ADAMTSL1: variants seen among roughly 807,000 people sequenced by gnomAD.
ADAMTSL1 encodes the protein ADAMTS like 1.
A neutral mutation model predicts 201.8 loss-of-function variants in ADAMTSL1; 126 were observed. The observed-to-expected ratio is 0.62, with a 90% confidence interval of 0.54 to 0.72. The LOEUF (loss-of-function observed/expected upper bound fraction) is 0.72, where lower values mean the gene tolerates loss of function less well. Ranked by LOEUF, ADAMTSL1 falls within the 30% of genes least tolerant of loss-of-function variation. The probability of loss-of-function intolerance (pLI) is 0.00; values close to 1 mark genes in which losing one functional copy is unlikely to be tolerated. For missense variants in ADAMTSL1, 2,679 were observed against 2,277.8 expected (o/e 1.18, Z -3.59); for synonymous variants, 1,121 against 903.4 (o/e 1.24, Z -4.32).
intron 1 of ADAMTSL1, among the ~76,000 whole-genome samples, chr9:17,916,518 G>A (rs1280233874): frequency 2.0e-5 from 3 of 152,032 alleles, no homozygotes; most frequent in Non-Finnish European, 2.9e-5. Flanking sequence ...ATCAAAGTTC[G>A]TTTTTTGGCC....
At chr9:18,275,040 T>G (rs1403489753) in intron 2 of ADAMTSL1, among the ~76,000 whole-genome samples, 3 of 152,204 alleles carry the variant, frequency 2.0e-5, no homozygotes, top group Admixed American at 2.0e-4. Flanking sequence ...ATATCTAAAG[T>G]AAGAGAGCCA....
At chr9:18,229,964 T>A (rs1425021447) in intron 2 of ADAMTSL1, among the ~76,000 whole-genome samples, 1 of 152,178 alleles carries the variant, frequency 6.6e-6, no homozygotes, top group Non-Finnish European at 1.5e-5. Context: ...CCGTAAGTGC[T>A]AGGATTACAG....
intron 23 of ADAMTSL1, among the ~76,000 whole-genome samples, chr9:18,841,377 A>G (rs369213033): frequency 2.6e-4 from 39 of 152,216 alleles, no homozygotes; most frequent in Admixed American, 4.6e-4. Context: ...TTGCATCCCA[A>G]GGATGAAGCC....
intron 2 of ADAMTSL1, among the ~76,000 whole-genome samples, chr9:18,429,943 C>T (rs1014780518): frequency 2.6e-5 from 4 of 151,924 alleles, no homozygotes; most frequent in African/African-American, 7.3e-5. Flanking sequence ...GCACGTGCCA[C>T]GACACCCAGC....
intron 2 of ADAMTSL1, among the ~76,000 whole-genome samples, chr9:18,257,269 A>G (rs959908273): frequency 7.9e-5 from 12 of 152,242 alleles, no homozygotes; most frequent in African/African-American, 2.9e-4. Flanking sequence ...TATCAAGAGT[A>G]TCTTGCTACA....
chr9:18,325,507 A>G (rs1183685319), intron 2 of ADAMTSL1, among the ~76,000 whole-genome samples: 1 of 152,208 alleles, frequency 6.6e-6, no homozygotes, highest in East Asian at 1.9e-4. Context: ...ACACTATTGG[A>G]TATATGTAGG....
chr9:18,502,575 C>T (rs980100945), intron 1 of ADAMTSL1, among the ~76,000 whole-genome samples: 1 of 152,152 alleles, frequency 6.6e-6, no homozygotes, highest in Admixed American at 6.5e-5. Flanking sequence ...CCTCTTATTG[C>T]AGTGATTAAG....
chr9:18,427,084 T>A (rs530183352), intron 2 of ADAMTSL1, among the ~76,000 whole-genome samples: 6 of 152,308 alleles, frequency 3.9e-5, no homozygotes, highest in African/African-American at 1.4e-4. Flanking sequence ...ATGATTATCA[T>A]TCCCAAATGG....
intron 1 of ADAMTSL1, among the ~76,000 whole-genome samples, chr9:17,952,615 CAG>C (rs200790177): frequency 0.03 from 4,523 of 152,100 alleles, 210 homozygotes; most frequent in African/African-American, 0.1. Context: ...ATTTTTGAGA[CAG>C]AGTCTTGCTC....
chr9:18,728,018 T>TA (rs1257321938), intron 15 of ADAMTSL1, among the ~76,000 whole-genome samples: 1 of 151,844 alleles, frequency 6.6e-6, no homozygotes. Context: ...AGGAGGAAGT[T>TA]ACGGTGAGCC....
chr9:17,935,741 C>G (rs779253221), intron 1 of ADAMTSL1, among the ~76,000 whole-genome samples: 5 of 152,102 alleles, frequency 3.3e-5, no homozygotes, highest in Non-Finnish European at 7.4e-5. Flanking sequence ...GCAGATGGAC[C>G]ATCTTGATTC....
intron 5 of ADAMTSL1, among the ~76,000 whole-genome samples, chr9:18,631,761 A>C (rs993971103): frequency 5.9e-5 from 9 of 152,176 alleles, no homozygotes; most frequent in African/African-American, 1.7e-4. Context: ...TTTTTTAAAG[A>C]ATACTTTTAG....
chr9:18,216,657 T>TC (rs1169355842), intron 2 of ADAMTSL1, among the ~76,000 whole-genome samples: 1 of 151,934 alleles, frequency 6.6e-6, no homozygotes, highest in Non-Finnish European at 1.5e-5. Context: ...CCTTTTTTTT[T>TC]TTTTTTTTTC....
chr9:18,226,842 G>T (rs1452028442), intron 2 of ADAMTSL1, among the ~76,000 whole-genome samples: 1 of 151,972 alleles, frequency 6.6e-6, no homozygotes, highest in African/African-American at 2.4e-5. Flanking sequence ...ATTAATAATA[G>T]TAATGAATAA....
At chr9:18,484,058 C>T (rs185050602) in intron 1 of ADAMTSL1, among the ~76,000 whole-genome samples, 1 of 152,246 alleles carries the variant, frequency 6.6e-6, no homozygotes, top group East Asian at 1.9e-4. Flanking sequence ...GCATGTAGCA[C>T]GTCTCTGAGA....
intron 15 of ADAMTSL1, chr9:18,723,831 A>T (rs1817698252): frequency 1.3e-5 from 2 of 152,288 alleles, no homozygotes; most frequent in Non-Finnish European, 2.9e-5. Context: ...TTCCTGTGGA[A>T]TATCTCACTC....
chr9:18,884,017 A>G (rs1389220956), intron 23 of ADAMTSL1, among the ~76,000 whole-genome samples: 1 of 152,170 alleles, frequency 6.6e-6, no homozygotes. Flanking sequence ...CAGCTGTTCC[A>G]TTTTATATTC....
chr9:18,171,650 G>C (rs549490858), intron 2 of ADAMTSL1, among the ~76,000 whole-genome samples: 2 of 152,210 alleles, frequency 1.3e-5, no homozygotes, highest in East Asian at 3.9e-4. Context: ...TATGATGATA[G>C]TTTCTTTTGC....
intron 1 of ADAMTSL1, among the ~76,000 whole-genome samples, chr9:18,005,520 A>T (rs1819779048): frequency 6.6e-6 from 1 of 152,054 alleles, no homozygotes; most frequent in Non-Finnish European, 1.5e-5. Flanking sequence ...CTCAGCCCCA[A>T]CAGGTCCCTT....
Sources: allele counts gnomAD v4.1 joint callset (sites outside exome capture counted in the v4.1 genomes callset), GRCh38; gene constraint gnomAD v4.1.1; transcripts MANE v1.5; gene names NCBI Gene and HGNC (gene_info 2026-07-23, HGNC 2026-07-21).